The following FGGY variants were observed in gnomAD, a reference collection of about 807,000 sequenced individuals.
FGGY encodes FGGY carbohydrate kinase domain containing, also known as FGGY carbohydrate kinase domain-containing protein.
In FGGY, 72 loss-of-function variants were observed where a neutral mutation model predicts 71.3. The observed-to-expected ratio is 1.01, with a 90% CI of 0.84 to 1.23. The LOEUF (loss-of-function observed/expected upper bound fraction) is 1.23, where lower values mean the gene tolerates loss of function less well. Ranked by LOEUF, FGGY falls within the 50% of genes most tolerant of loss-of-function variation. FGGY has a pLI of 0.00. For missense variants in FGGY, 668 were observed against 682.3 expected (o/e 0.98, Z 0.23); for synonymous variants, 251 against 250.3 (o/e 1.00, Z -0.02).
At chr1:59,652,915 G>A (rs1351690899) in intron 11 of FGGY, among the ~76,000 whole-genome samples, 1 of 152,216 alleles carries the variant, frequency 6.6e-6, no homozygotes, top group Non-Finnish European at 1.5e-5. Context: ...TGATGGTGGT[G>A]TACAGATGGG....
chr1:59,454,734 A>G (rs188828575), intron 5 of FGGY, among the ~76,000 whole-genome samples: 2 of 152,254 alleles, frequency 1.3e-5, no homozygotes, highest in African/African-American at 4.8e-5. Context: ...GTTTGTTAGT[A>G]TATGATTTTA....
At chr1:59,392,680 C>G (rs2060839114) in intron 5 of FGGY, among the ~76,000 whole-genome samples, 1 of 152,142 alleles carries the variant, frequency 6.6e-6, no homozygotes, top group Non-Finnish European at 1.5e-5. Context: ...TCCTTTCCTC[C>G]TTTTTCTCCT....
intron 9 of FGGY, among the ~76,000 whole-genome samples, chr1:59,611,522 A>T (rs888167279): frequency 8.5e-5 from 13 of 152,178 alleles, no homozygotes; most frequent in African/African-American, 2.4e-4. Flanking sequence ...CAAAGACCAA[A>T]GGTAGATAAA....
At chr1:59,555,291 C>G (rs537236671) in intron 8 of FGGY, among the ~76,000 whole-genome samples, 56 of 152,328 alleles carry the variant, frequency 3.7e-4, no homozygotes, top group African/African-American at 1.2e-3. Context: ...GCGAGGTATT[C>G]TTGCACATGG....
chr1:59,653,134 G>A (rs1396760308), intron 11 of FGGY, among the ~76,000 whole-genome samples: 2 of 152,152 alleles, frequency 1.3e-5, no homozygotes, highest in African/African-American at 2.4e-5. Flanking sequence ...CTGCGTGCTG[G>A]GAGAACCACT....
intron 2 of FGGY, among the ~76,000 whole-genome samples, chr1:59,328,762 G>T (rs917973051): frequency 6.6e-6 from 1 of 151,666 alleles, no homozygotes. Flanking sequence ...ACCATTGTAG[G>T]GTTATTAATT....
intron 6 of FGGY, among the ~76,000 whole-genome samples, chr1:59,471,598 C>A (rs1030512081): frequency 1.3e-5 from 2 of 152,122 alleles, no homozygotes; most frequent in East Asian, 3.9e-4. Context: ...TCTTTAGTAT[C>A]GAATTTCTGC....
chr1:59,554,308 AC>A (rs2095652072), intron 8 of FGGY, 81 bp downstream of exon 8: 4 of 1,048,580 alleles, frequency 3.8e-6, no homozygotes, highest in Admixed American at 4.3e-5. Context: ...TGGCTTCTTC[AC>A]CCTTTCACTT....
At chr1:59,640,053 C>T (rs568242446) in intron 11 of FGGY, among the ~76,000 whole-genome samples, 1 of 152,170 alleles carries the variant, frequency 6.6e-6, no homozygotes, top group Admixed American at 6.5e-5. Flanking sequence ...TACATGGGGA[C>T]ATATGCCCAG....
At chr1:59,653,807 T>C (rs2097192960) in intron 11 of FGGY, among the ~76,000 whole-genome samples, 2 of 152,218 alleles carry the variant, frequency 1.3e-5, no homozygotes, top group South Asian at 4.1e-4. Context: ...CCAGCAATGA[T>C]GGGTCAAATC....
intron 14 of FGGY, among the ~76,000 whole-genome samples, chr1:59,678,992 G>A (rs898022721): frequency 1.1e-4 from 16 of 152,154 alleles, no homozygotes; most frequent in Non-Finnish European, 2.2e-4. Context: ...AACTTTCCCT[G>A]TCACGTTCCA....
At chr1:59,311,357 C>T (rs1004467485) in intron 1 of FGGY, among the ~76,000 whole-genome samples, 2 of 151,842 alleles carry the variant, frequency 1.3e-5, no homozygotes, top group African/African-American at 4.8e-5. Context: ...TGATTTACTG[C>T]ACCTATTGAC....
intron 6 of FGGY, among the ~76,000 whole-genome samples, chr1:59,458,191 T>A (rs757298890): frequency 6.6e-6 from 1 of 152,322 alleles, no homozygotes; most frequent in African/African-American, 2.4e-5. Context: ...AATTAGTTGT[T>A]TTTTGCTGAA....
intron 5 of FGGY, among the ~76,000 whole-genome samples, chr1:59,455,578 A>G (rs1244280927): frequency 6.6e-6 from 1 of 152,214 alleles, no homozygotes; most frequent in African/African-American, 2.4e-5. Flanking sequence ...CAATTGAAGG[A>G]TCTTAATCAG....
chr1:59,688,080 T>C (rs374842296), intron 14 of FGGY, among the ~76,000 whole-genome samples: 7 of 152,270 alleles, frequency 4.6e-5, no homozygotes, highest in African/African-American at 1.7e-4. Context: ...CCAGCTGAGT[T>C]TGGCATTGAG....
Position 59,425,330 on chromosome 1 carries a change from T to C in FGGY, c.555-31631T>C, listed in dbSNP as rs1462156856. Among the ~76,000 whole-genome samples the C allele has an allele frequency of 2.0e-5, 3 of 152,210 alleles. No individual in the cohort carries two copies. The East Asian group carries it at 5.8e-4, about 29-fold the overall frequency. ...AATAGATTCCAGTATTTTTATGGCC[T>C]TTTAAGTGTGTTTTGGGGATTTCTA... On this transcript the variant is annotated intron_variant, in intron 5 of 15. Transcript: ENST00000303721.
chr1:59,576,067 T>C (rs2096070467), intron 8 of FGGY, among the ~76,000 whole-genome samples: 1 of 152,176 alleles, frequency 6.6e-6, no homozygotes, highest in African/African-American at 2.4e-5. Context: ...TGCTGAACAG[T>C]TGTGGTGATA....
At chr1:59,588,916 C>G (rs919445489) in intron 8 of FGGY, among the ~76,000 whole-genome samples, 7 of 152,158 alleles carry the variant, frequency 4.6e-5, no homozygotes, top group African/African-American at 1.7e-4. Flanking sequence ...ATCAAAATGA[C>G]AGGATCAAAT....
At chr1:59,685,619 T>C (rs1000620984) in intron 14 of FGGY, among the ~76,000 whole-genome samples, 3 of 152,182 alleles carry the variant, frequency 2.0e-5, no homozygotes, top group Non-Finnish European at 2.9e-5. Flanking sequence ...AAAGTATTAG[T>C]ATTAATATTT....
Sources: gnomAD v4.1 joint callset for allele counts (sites outside exome capture counted in the v4.1 genomes callset) on GRCh38, gnomAD v4.1.1 for gene constraint, MANE v1.5 for transcripts, NCBI Gene and HGNC (gene_info 2026-07-23, HGNC 2026-07-21) for gene names.